Variants in SLC13A3 observed in about 807,000 individuals in gnomAD.
SLC13A3 encodes Na(+)/dicarboxylate cotransporter 3.
Under a neutral mutation model 59.0 loss-of-function variants are expected in SLC13A3, and 40 were observed. That is an observed-to-expected ratio of 0.68 (90% CI 0.53 to 0.88). SLC13A3 has a LOEUF of 0.88. Ranked by LOEUF, SLC13A3 falls within the 40% of genes least tolerant of loss-of-function variation. The pLI is 0.00. For synonymous variants in SLC13A3, 317 were observed against 330.3 expected, an observed-to-expected ratio of 0.96 and a Z score of 0.44; for missense variants, 699 against 783.2, an observed-to-expected ratio of 0.89 and a Z score of 1.28.
chr20:46,560,417 A>G (rs2061921122), intron 12 of SLC13A3, among the ~76,000 whole-genome samples: 1 of 152,156 alleles, frequency 6.6e-6, no homozygotes, highest in South Asian at 2.1e-4. Flanking sequence ...CCATTCATTG[A>G]TGGCCTCTAG....
intron 8 of SLC13A3, chr20:46,584,124 C>G: frequency 1.0e-6 from 1 of 985,348 alleles, no homozygotes; most frequent in Non-Finnish European, 1.2e-6. Context: ...ATTGACCCAG[C>G]CTCTTGGCCC....
intron 1 of SLC13A3, among the ~76,000 whole-genome samples, chr20:46,678,211 T>C (rs2063137006): frequency 6.6e-6 from 1 of 152,136 alleles, no homozygotes; most frequent in Admixed American, 6.6e-5. Flanking sequence ...GGTTCTCACC[T>C]CCCAGGCCTT....
At chr20:46,674,604 C>CGCGTGCGTGTGT (rs370861850), upstream of SLC13A3, among the ~76,000 whole-genome samples, 2 of 127,956 alleles carry the variant, frequency 1.6e-5, no homozygotes, top group African/African-American at 6.3e-5. Context: ...CGCGCGCGCG[C>CGCGTGCGTGTGT]GTGTGTGTGT....
intron 1 of SLC13A3, among the ~76,000 whole-genome samples, chr20:46,656,906 T>C (rs2062998017): frequency 1.3e-5 from 2 of 152,144 alleles, no homozygotes; most frequent in African/African-American, 4.8e-5. Flanking sequence ...GTTGAACCCA[T>C]CCGTTGTATA....
At chr20:46,585,035 C>T (rs2062177438) in intron 8 of SLC13A3, 1 of 630,728 alleles carries the variant, frequency 1.6e-6, no homozygotes, top group African/African-American at 2.0e-5. Flanking sequence ...AAGCATTGAA[C>T]ACAATCCAAT....
chr20:46,585,714 G>A, intron 8 of SLC13A3: 1 of 1,298,792 alleles, frequency 7.7e-7, no homozygotes, highest in South Asian at 1.3e-5. Flanking sequence ...TTTCTGTATT[G>A]TTGAAATGCT....
intron 1 of SLC13A3, 42 bp downstream of exon 1, chr20:46,651,269 G>A: frequency 6.9e-7 from 1 of 1,454,890 alleles, no homozygotes; most frequent in Non-Finnish European, 9.1e-7. Context: ...AGAGGATCCC[G>A]CCTGTGGTTG....
At chr20:46,568,401 C>CAAAAAAAAAAAAA (rs66526539) in intron 10 of SLC13A3, among the ~76,000 whole-genome samples, 2 of 58,696 alleles carry the variant, frequency 3.4e-5, no homozygotes, top group Non-Finnish European at 7.3e-5. Flanking sequence ...GACTCCATCT[C>CAAAAAAAAAAAAA]AAAAAAAAAA....
upstream of SLC13A3, among the ~76,000 whole-genome samples, chr20:46,655,906 CAG>C (rs1288251575): frequency 2.2e-5 from 3 of 136,624 alleles, no homozygotes; most frequent in Non-Finnish European, 4.6e-5. Flanking sequence ...ATATACTGTA[CAG>C]TATATTATAT....
At chr20:46,567,062 T>C (rs1447718411) in intron 10 of SLC13A3, among the ~76,000 whole-genome samples, 1 of 151,956 alleles carries the variant, frequency 6.6e-6, no homozygotes, top group African/African-American at 2.4e-5. Context: ...AAATCACATG[T>C]GTGCCTGTAA....
rs533063851 is a variant in SLC13A3, at chr20:46,619,259, G to T, written c.112-5534C>A. 3.3e-5 allele frequency among the ~76,000 whole-genome samples: 5 copies of T among 152,164 alleles called. No homozygotes were observed. In the South Asian group the frequency reaches 1.0e-3, roughly 32 times the overall value. Reference sequence around the variant, plus strand: ...CTCTTTTGTATTTGAGTCAAAAAAAGGCTCATGTCCTCCAGCTGGATTTGG... The same window carrying T: ...CTCTTTTGTATTTGAGTCAAAAAAATGCTCATGTCCTCCAGCTGGATTTGG... On this transcript the variant is annotated intron_variant, in intron 1 of 12. Coordinates refer to ENST00000279027, the MANE Select transcript of SLC13A3 (RefSeq NM_022829.6).
chr20:46,569,346 C>T (rs2062010049), intron 10 of SLC13A3, among the ~76,000 whole-genome samples: 1 of 152,078 alleles, frequency 6.6e-6, no homozygotes, highest in South Asian at 2.1e-4. Flanking sequence ...ACACACAGCC[C>T]CACAGTATTC....
At chr20:46,664,026 A>G (rs2063048017) in intron 1 of SLC13A3, among the ~76,000 whole-genome samples, 1 of 152,192 alleles carries the variant, frequency 6.6e-6, no homozygotes, top group Non-Finnish European at 1.5e-5. Context: ...CAAGGGTGCT[A>G]CATGCACTTC....
chr20:46,619,325 A>G (rs2062591925), intron 1 of SLC13A3, among the ~76,000 whole-genome samples: 1 of 152,218 alleles, frequency 6.6e-6, no homozygotes, highest in Non-Finnish European at 1.5e-5. Context: ...GGTCCCAGGC[A>G]TGATCTGATA....
chr20:46,684,289 C>T (rs2122959228), intron 1 of SLC13A3: 1 of 152,360 alleles, frequency 6.6e-6, no homozygotes, highest in Middle Eastern at 3.4e-3. Flanking sequence ...ATTAGATCTC[C>T]AGTGCCCGGC....
At chr20:46,599,107 C>T (rs73908936) in intron 4 of SLC13A3, among the ~76,000 whole-genome samples, 3,728 of 152,336 alleles carry the variant, frequency 0.024, 143 homozygotes, top group African/African-American at 0.084. Context: ...TTATCAACCA[C>T]CCAACACACC....
At position 46,676,411 on chromosome 20, in the gene SLC13A3, CTTT is replaced by C. The variant is rs543970617; in HGVS notation, c.-31+7982_-31+7984del. Among the ~76,000 whole-genome samples, 1,075 of 108,452 alleles carry C rather than the reference CTTT, an allele frequency of 9.9e-3. 20 individuals are homozygous for C. Among genetic ancestry groups the C allele is most frequent in the African/African-American group, 0.041 (1,023 of 25,224 alleles). 71.1% of individuals were successfully genotyped at this position (108,452 alleles called of 152,430 possible). A position where few individuals can be genotyped will look rare whatever the true frequency, so the allele number is the denominator to read the frequency against. ...ACCAAGGGCAGCCACTCTCTCAACT[CTTT>C]TTTTTTTTTTTTTTTTTTTTAGTAG... On this transcript the variant is annotated intron_variant, in intron 1 of 6. Coordinates refer to the SLC13A3 transcript ENST00000372121.
At chr20:46,587,094 C>T (rs1359527474) in intron 8 of SLC13A3, among the ~76,000 whole-genome samples, 2 of 152,214 alleles carry the variant, frequency 1.3e-5, no homozygotes, top group Admixed American at 1.3e-4. Context: ...CCCAAAAAGA[C>T]ACGGGCCATC....
intron 2 of SLC13A3, among the ~76,000 whole-genome samples, chr20:46,612,298 A>AT (rs769899589): frequency 6.6e-6 from 1 of 151,590 alleles, no homozygotes; most frequent in African/African-American, 2.4e-5. Context: ...CGCCCAGTGA[A>AT]TTTTTTGTAT....
Sources: gnomAD v4.1 joint callset for allele counts (sites outside exome capture counted in the v4.1 genomes callset) on GRCh38, gnomAD v4.1.1 for gene constraint, MANE v1.5 for transcripts, NCBI Gene and HGNC (gene_info 2026-07-23, HGNC 2026-07-21) for gene names.